Variants in ANKUB1 observed in about 807,000 individuals in gnomAD.
ANKUB1 encodes the protein protein ANKUB1.
ANKUB1 carries 42 observed loss-of-function variants against 49.3 expected under a neutral mutation model. That is an observed-to-expected ratio of 0.85 (90% CI 0.67 to 1.10). The LOEUF (loss-of-function observed/expected upper bound fraction) is 1.10, where lower values mean the gene tolerates loss of function less well. Ranked by LOEUF, ANKUB1 falls within the 50% of genes least tolerant of loss-of-function variation. ANKUB1 has a pLI of 0.00. For missense variants in ANKUB1, 613 were observed against 642.0 expected, an observed-to-expected ratio of 0.95 and a Z score of 0.49; for synonymous variants, 222 against 231.0, an observed-to-expected ratio of 0.96 and a Z score of 0.35.
At position 149,771,709 on chromosome 3, in the gene ANKUB1, G is replaced by A. The variant is rs761334553; in HGVS notation, c.452-1035C>T. ...TCCTTCACGACTTGCCGTATAGCCT[G>A]ACACTTGGTAGGTGCTCACTAAATA... On this transcript the variant is annotated intron_variant, in intron 3 of 5. Transcript: ENST00000446160. Among the ~76,000 whole-genome samples, 103 of 152,108 alleles carry A rather than the reference G, an allele frequency of 6.8e-4. 2 individuals carry two copies. The highest frequency in any genetic ancestry group is 7.2e-4 in the Non-Finnish European group (49 of 68,004).
intron 3 of ANKUB1, among the ~76,000 whole-genome samples, chr3:149,776,989 G>C (rs2108272047): frequency 6.7e-6 from 1 of 149,150 alleles, no homozygotes; most frequent in African/African-American, 2.5e-5. Context: ...AAAAAAAAAA[G>C]TGATCTAGCA....
chr3:149,783,154 T>C (rs1004297255), intron 2 of ANKUB1: 1 of 152,222 alleles, frequency 6.6e-6, no homozygotes, highest in Non-Finnish European at 1.5e-5. Context: ...TAGTTGTCGA[T>C]ATTTTCTAAT....
In ANKUB1 at chr3:149,780,270, G is replaced by A. The variant is rs376831846; in HGVS notation, c.420C>T (p.Cys140=). ...CAGTCTGGTAGTCCTTGAGGGTGTT[G>A]CAATCATACATCTCCAGGCCCCTTG... ...RTPRGLEMYD[C]NTLKDYQTDI... Residue 140 remains cysteine, a synonymous_variant, in exon 3 of 6, where the codon TGC becomes TGT. Coordinates refer to ENST00000446160, the MANE Select transcript of ANKUB1 (RefSeq NM_001144960.3). 1 of 1,551,614 alleles carries A rather than the reference G, an allele frequency of 6.4e-7. No individual in the cohort carries two copies. The highest frequency in any genetic ancestry group is 1.4e-5 in the African/African-American group (1 of 73,044).
chr3:149,789,137 C>G (rs2108282566), intron 2 of ANKUB1, among the ~76,000 whole-genome samples: 1 of 152,098 alleles, frequency 6.6e-6, no homozygotes, highest in South Asian at 2.1e-4. Context: ...AACATACTAC[C>G]TAGTCAAAAA....
chr3:149,766,203 T>C (rs1426043962), intron 5 of ANKUB1, among the ~76,000 whole-genome samples: 1 of 152,224 alleles, frequency 6.6e-6, no homozygotes. Context: ...TTAGATGTGC[T>C]AAGGATTACC....
Position 149,780,373 on chromosome 3 carries a change from T to C in ANKUB1, c.317A>G (p.Asp106Gly). 1 of 1,552,164 alleles carries C rather than the reference T, an allele frequency of 6.4e-7. No homozygotes were observed. Among genetic ancestry groups the C allele is most frequent in the South Asian group, 1.2e-5 (1 of 84,054 alleles). Residue 106 changes from aspartate (D) to glycine (G), a missense_variant, in exon 3 of 6, where the codon GAT becomes GGT. Physicochemically the swap from Asp to Gly is moderately conservative, Grantham distance 94 (BLOSUM62 -1). Transcript: ENST00000446160. ...MPVMESISLL[D>G]KTVSDLRTLV... ...TGTTCTCAGATCAGACACTGTTTTA[T>C]CAAGAAGGGAAATGCTCTCCATTAC... is the stretch of plus-strand genomic sequence containing the variant.
intron 2 of ANKUB1, among the ~76,000 whole-genome samples, chr3:149,784,981 A>G (rs1452368389): frequency 6.6e-6 from 1 of 152,188 alleles, no homozygotes; most frequent in Non-Finnish European, 1.5e-5. Context: ...AAAACAGTGG[A>G]CAAAACTTAA....
chr3:149,765,619 C>G (rs1716979556), intron 5 of ANKUB1, among the ~76,000 whole-genome samples: 1 of 152,124 alleles, frequency 6.6e-6, no homozygotes, highest in Non-Finnish European at 1.5e-5. Flanking sequence ...CTGGGCACAG[C>G]ACTGGGCTAT....
intron 3 of ANKUB1, among the ~76,000 whole-genome samples, chr3:149,776,691 T>A (rs1435531040): frequency 6.6e-6 from 1 of 152,180 alleles, no homozygotes; most frequent in East Asian, 1.9e-4. Flanking sequence ...CCAGGTGCAG[T>A]AGCTCACTCC....
intron 2 of ANKUB1, 22 bp downstream of exon 2, chr3:149,790,759 A>T: frequency 1.3e-6 from 2 of 1,532,986 alleles, no homozygotes; most frequent in South Asian, 2.5e-5. Context: ...ATCTTAGACG[A>T]ATATTATCCT....
chr3:149,771,157 T>G (rs1717343001), intron 3 of ANKUB1, among the ~76,000 whole-genome samples: 1 of 152,258 alleles, frequency 6.6e-6, no homozygotes, highest in African/African-American at 2.4e-5. Context: ...TTACAAACAT[T>G]AAAGTAATTC....
In ANKUB1 at chr3:149,770,546, T is replaced by C; in HGVS notation, c.566+14A>G. On this transcript the variant is annotated intron_variant, in intron 4 of 5. Transcript: ENST00000446160. ...CAGCACTTGCTAAGTTAATTTAAAATTAATTTCTCATACTTGAGTACTGGT... is the reference window on the plus strand; with the variant it reads ...CAGCACTTGCTAAGTTAATTTAAAACTAATTTCTCATACTTGAGTACTGGT... The C allele has an allele frequency of 6.6e-7, 1 of 1,515,140 alleles. No individual in the cohort carries two copies. Among genetic ancestry groups the C allele is most frequent in the Non-Finnish European group, 8.9e-7 (1 of 1,118,450 alleles). The allele number at this position is 1,515,140 out of a possible 1,614,324, so 93.9% of individuals were successfully genotyped here. A position where few individuals can be genotyped will look rare whatever the true frequency, so the allele number is the denominator to read the frequency against.
rs73005773 is a variant in ANKUB1 at position 149,768,291 on chromosome 3, A to G, written c.567-196T>C. Among the ~76,000 whole-genome samples the G allele has an allele frequency of 7.6e-3, 1,162 of 152,340 alleles. 17 individuals are homozygous for G. Among genetic ancestry groups the G allele is most frequent in the African/African-American group, 0.026 (1,078 of 41,574 alleles). ...AAGTCCTGCTTATACACATTATCCTACTATGCACGTGTAAATAGTTTCCTT... is the reference window on the plus strand; with the variant it reads ...AAGTCCTGCTTATACACATTATCCTGCTATGCACGTGTAAATAGTTTCCTT... On this transcript the variant is annotated intron_variant, in intron 4 of 5. Coordinates refer to ENST00000446160, the MANE Select transcript of ANKUB1 (RefSeq NM_001144960.3).
At position 149,761,282 on chromosome 3, in the gene ANKUB1, T is replaced by C; in HGVS notation, c.*202A>G. 2 of 516,766 alleles carry C rather than the reference T, an allele frequency of 3.9e-6. No individual in the cohort carries two copies. The highest frequency in any genetic ancestry group is 3.6e-5 in the Admixed American group (1 of 28,108). 32.0% of individuals were successfully genotyped at this position (516,766 alleles called of 1,614,324 possible). On this transcript the variant is annotated 3_prime_UTR_variant, in exon 6 of 6. Transcript: ENST00000446160. ...TTCTTCTGAATTCTTCCTCATATTC[T>C]TTATGCAAAAATAGCACTAAAGTTT...
Position 149,770,809 on chromosome 3 carries a change from G to T in ANKUB1, c.452-135C>A, listed in dbSNP as rs1034497936. ...ATGAAAAATAACCTTGGAACAAGGA[G>T]ACAGGGATGGTATTTTTAGCATAGG... On this transcript the variant is annotated intron_variant, in intron 3 of 5. Transcript: ENST00000446160. 6.6e-6 allele frequency: 4 copies of T among 608,898 alleles called. No individual in the cohort carries two copies. The African/African-American group carries it at 7.6e-5, about 12-fold the overall frequency. The allele number at this position is 608,898 out of a possible 1,614,324, so 37.7% of individuals were successfully genotyped here. A position where few individuals can be genotyped will look rare whatever the true frequency, so the allele number is the denominator to read the frequency against.
At chr3:149,790,214 T>TA (rs1718300546) in intron 2 of ANKUB1, among the ~76,000 whole-genome samples, 1 of 152,202 alleles carries the variant, frequency 6.6e-6, no homozygotes, top group Non-Finnish European at 1.5e-5. Flanking sequence ...ATTTTGTTTA[T>TA]ATTACAATTT....
chr3:149,787,148 A>G (rs1006907933), intron 2 of ANKUB1, among the ~76,000 whole-genome samples: 2 of 152,188 alleles, frequency 1.3e-5, no homozygotes, highest in Non-Finnish European at 2.9e-5. Context: ...CATTGAATCT[A>G]TAAATTACCT....
At chr3:149,791,542 C>T (rs1345572808) in intron 1 of ANKUB1, among the ~76,000 whole-genome samples, 1 of 152,092 alleles carries the variant, frequency 6.6e-6, no homozygotes, top group African/African-American at 2.4e-5. Context: ...AGGTTAAGAT[C>T]CCTTGTGTTA....
At chr3:149,761,664 A>G in intron 5 of ANKUB1, 51 bp from the exon 6 acceptor site, 1 of 1,516,648 alleles carries the variant, frequency 6.6e-7, no homozygotes, top group Admixed American at 2.1e-5. Flanking sequence ...TTGTCTGCAT[A>G]CATAGCTGAA....
Sources: allele counts gnomAD v4.1 joint callset (sites outside exome capture counted in the v4.1 genomes callset), GRCh38; gene constraint gnomAD v4.1.1; transcripts MANE v1.5; gene names NCBI Gene and HGNC (gene_info 2026-07-23, HGNC 2026-07-21).